SGCZ: variants seen among roughly 807,000 people sequenced by gnomAD.
The protein encoded by SGCZ is sarcoglycan zeta, also known as zeta-sarcoglycan.
A neutral mutation model predicts 41.3 loss-of-function variants in SGCZ; 40 were observed. The observed-to-expected ratio is 0.97, with a 90% CI of 0.75 to 1.26. The LOEUF (loss-of-function observed/expected upper bound fraction) is 1.26. Among genes scored for constraint, SGCZ ranks in the 50% most tolerant of loss-of-function variants. The pLI, the probability that SGCZ is intolerant of heterozygous loss-of-function variation, is 0.00. For missense variants in SGCZ, 552 were observed against 369.8 expected (o/e 1.49, Z -4.04); for synonymous variants, 206 against 137.5 (o/e 1.50, Z -3.49).
intron 4 of SGCZ, among the ~76,000 whole-genome samples, chr8:14,219,832 C>G (rs568977086): frequency 7.8e-6 from 1 of 127,538 alleles, no homozygotes; most frequent in Non-Finnish European, 1.6e-5. Flanking sequence ...CCGACTACCA[C>G]TTCTTCAAGC....
intron 1 of SGCZ, among the ~76,000 whole-genome samples, chr8:14,694,760 T>C (rs1339370315): frequency 6.6e-6 from 1 of 152,190 alleles, no homozygotes; most frequent in Non-Finnish European, 1.5e-5. Context: ...CATATTTATT[T>C]ATCAAAAATG....
At chr8:14,832,903 C>G (rs1326066792) in intron 1 of SGCZ, among the ~76,000 whole-genome samples, 2 of 151,900 alleles carry the variant, frequency 1.3e-5, no homozygotes, top group Non-Finnish European at 2.9e-5. Context: ...ACTATAATAT[C>G]TTGCCAAATA....
intron 4 of SGCZ, among the ~76,000 whole-genome samples, chr8:14,205,818 C>T (rs953758704): frequency 2.0e-5 from 3 of 152,012 alleles, no homozygotes; most frequent in African/African-American, 2.4e-5. Flanking sequence ...ATTTGATGCA[C>T]TGAGATTTAT....
At chr8:14,102,906 T>TTAGGATGTAGATATATGTATTCCTCAA (rs1802079411) in intron 6 of SGCZ, among the ~76,000 whole-genome samples, 1 of 152,104 alleles carries the variant, frequency 6.6e-6, no homozygotes, top group Non-Finnish European at 1.5e-5. Flanking sequence ...AATTTACAGT[T>TTAGGATGTAGATATATGTATTCCTCAA]TAGGATGTAG....
At chr8:14,164,894 A>G (rs1292335138) in intron 4 of SGCZ, 192 bp from the exon 5 acceptor site, 1 of 652,642 alleles carries the variant, frequency 1.5e-6, no homozygotes, top group African/African-American at 1.8e-5. Context: ...CTTCTGTGCT[A>G]GGCTGGTTAG....
At chr8:14,397,536 G>C (rs1798954336) in intron 2 of SGCZ, among the ~76,000 whole-genome samples, 1 of 152,014 alleles carries the variant, frequency 6.6e-6, no homozygotes, top group African/African-American at 2.4e-5. Flanking sequence ...CTGTTCCACT[G>C]TACACAAAAG....
chr8:15,056,881 A>C (rs59716505), intron 1 of SGCZ, among the ~76,000 whole-genome samples: 7,355 of 152,156 alleles, frequency 0.048, 190 homozygotes, highest in Non-Finnish European at 0.057. Flanking sequence ...CACCTCTCTG[A>C]GCTATTGCTC....
intron 5 of SGCZ, among the ~76,000 whole-genome samples, chr8:14,136,945 C>G (rs1196942762): frequency 6.6e-6 from 1 of 152,140 alleles, no homozygotes; most frequent in Non-Finnish European, 1.5e-5. Context: ...TGAGACGAAG[C>G]TTACAGAGGA....
intron 1 of SGCZ, among the ~76,000 whole-genome samples, chr8:14,711,469 G>A (rs1048184996): frequency 1.3e-5 from 2 of 151,278 alleles, no homozygotes; most frequent in South Asian, 2.1e-4. Flanking sequence ...AGGCATGATG[G>A]CGCATGCCTG....
At chr8:14,239,047 G>C (rs1806874147) in intron 3 of SGCZ, among the ~76,000 whole-genome samples, 1 of 150,724 alleles carries the variant, frequency 6.6e-6, no homozygotes, top group South Asian at 2.1e-4. Flanking sequence ...TTTTTCCATA[G>C]GTGTAACTAC....
intron 1 of SGCZ, among the ~76,000 whole-genome samples, chr8:14,910,376 T>C (rs1266611201): frequency 6.6e-6 from 1 of 152,034 alleles, no homozygotes; most frequent in Non-Finnish European, 1.5e-5. Flanking sequence ...GGAAACAACT[T>C]AAAAATGGCT....
chr8:14,187,999 C>G (rs1245558890), intron 4 of SGCZ, among the ~76,000 whole-genome samples: 1 of 151,956 alleles, frequency 6.6e-6, no homozygotes, highest in Non-Finnish European at 1.5e-5. Flanking sequence ...GCTGGCCTCT[C>G]ATCAGAAACA....
At chr8:14,865,159 T>C (rs1803883307) in intron 1 of SGCZ, among the ~76,000 whole-genome samples, 1 of 152,030 alleles carries the variant, frequency 6.6e-6, no homozygotes, top group African/African-American at 2.4e-5. Flanking sequence ...TAGCATCACA[T>C]TCAAGGTCCA....
chr8:15,232,010 T>C (rs964380784), intron 1 of SGCZ, among the ~76,000 whole-genome samples: 4 of 152,160 alleles, frequency 2.6e-5, no homozygotes, highest in Non-Finnish European at 4.4e-5. Context: ...CCAAGCACAA[T>C]TCTCAACAAA....
intron 2 of SGCZ, among the ~76,000 whole-genome samples, chr8:14,356,710 A>T (rs1350739999): frequency 6.6e-6 from 1 of 152,088 alleles, no homozygotes; most frequent in Non-Finnish European, 1.5e-5. Flanking sequence ...AAAAAATTAA[A>T]CCTATTTGAT....
intron 1 of SGCZ, among the ~76,000 whole-genome samples, chr8:14,862,782 T>C (rs1372087955): frequency 6.6e-6 from 1 of 151,772 alleles, no homozygotes; most frequent in East Asian, 1.9e-4. Flanking sequence ...GCAGGAGGTG[T>C]ATGAGCAGAG....
intron 3 of SGCZ, among the ~76,000 whole-genome samples, chr8:14,250,625 T>C (rs1799250932): frequency 6.6e-6 from 1 of 152,158 alleles, no homozygotes; most frequent in Non-Finnish European, 1.5e-5. Flanking sequence ...GAACCACCAG[T>C]CCTACAAATA....
chr8:14,333,479 C>G (rs1802406506), intron 2 of SGCZ, among the ~76,000 whole-genome samples: 1 of 151,972 alleles, frequency 6.6e-6, no homozygotes, highest in South Asian at 2.1e-4. Flanking sequence ...GCTTGTCTTT[C>G]CCAACTGTGC....
At chr8:14,251,120 C>T (rs1799268478) in intron 3 of SGCZ, among the ~76,000 whole-genome samples, 1 of 151,670 alleles carries the variant, frequency 6.6e-6, no homozygotes, top group African/African-American at 2.4e-5. Context: ...CCCAGCTACT[C>T]GGGAGGCCAA....
Sources: gnomAD v4.1 joint callset for allele counts (sites outside exome capture counted in the v4.1 genomes callset) on GRCh38, gnomAD v4.1.1 for gene constraint, MANE v1.5 for transcripts, NCBI Gene and HGNC (gene_info 2026-07-23, HGNC 2026-07-21) for gene names.